PGBD2: variants seen among roughly 807,000 people sequenced by gnomAD.
The protein encoded by PGBD2 is piggyBac transposable element-derived protein 2.
In PGBD2, 6 loss-of-function variants were observed where a neutral mutation model predicts 8.1. The observed-to-expected ratio is 0.74, with a 90% CI of 0.40 to 1.46. PGBD2 has a LOEUF of 1.46. PGBD2 is among the 40% of genes most tolerant of loss of function. The probability of loss-of-function intolerance (pLI) is 0.02; values close to 1 mark genes in which losing one functional copy is unlikely to be tolerated. For missense variants in PGBD2, 802 were observed against 739.0 expected (o/e 1.09, Z -0.99); for synonymous variants, 318 against 272.2 (o/e 1.17, Z -1.66).
chr1:248,906,406 G>A (rs934483671), intron 1 of PGBD2, 64 bp downstream of exon 1: 3 of 152,136 alleles, frequency 2.0e-5, no homozygotes, highest in African/African-American at 7.3e-5. Flanking sequence ...GGTTGGCGTT[G>A]ATGTTGCGTT....
In PGBD2 at chr1:248,917,937, A is replaced by G. The variant is rs1418248170; in HGVS notation, c.1353A>G (p.Ser451=). 6.2e-7 allele frequency: 1 copy of G among 1,614,220 alleles called. No individual in the cohort carries two copies. The highest frequency in any genetic ancestry group is 8.5e-7 in the Non-Finnish European group (1 of 1,180,046). The change falls in exon 3 of 3, where the codon TCA becomes TCG. Residue 451 remains serine, a synonymous_variant. Coordinates refer to ENST00000329291, the MANE Select transcript of PGBD2 (RefSeq NM_170725.3). ...AKTRTQVHQP[S]LVKLYQEKVG... ...CGCGGACTCAGGTCCACCAGCCATC[A>G]CTGGTGAAGCTGTATCAGGAGAAGG... is the stretch of plus-strand genomic sequence containing the variant.
At chr1:248,925,712 G>A in the PGBD2 span, among the ~76,000 whole-genome samples, 1 of 151,906 alleles carries the variant, frequency 6.6e-6, no homozygotes, top group East Asian at 1.9e-4. Context: ...AGGATAATAA[G>A]GGAAAGAGAG....
the PGBD2 span, among the ~76,000 whole-genome samples, chr1:248,925,784 C>T: frequency 1.3e-5 from 2 of 152,126 alleles, no homozygotes; most frequent in Non-Finnish European, 2.9e-5. Flanking sequence ...GATTTTGCCC[C>T]CCAAAATTCC....
intron 1 of PGBD2, among the ~76,000 whole-genome samples, chr1:248,907,851 T>G (rs945250163): frequency 6.6e-5 from 10 of 152,232 alleles, no homozygotes; most frequent in African/African-American, 2.4e-4. Flanking sequence ...GAATTTCTTA[T>G]GTCTTCCCTT....
At chr1:248,916,349 G>C (rs1299574833) in intron 2 of PGBD2, among the ~76,000 whole-genome samples, 5 of 152,122 alleles carry the variant, frequency 3.3e-5, no homozygotes, top group Non-Finnish European at 5.9e-5. Flanking sequence ...AGGAGGCGGA[G>C]GTTGCAATGC....
chr1:248,892,194 A>T, the PGBD2 span, among the ~76,000 whole-genome samples: 1 of 152,140 alleles, frequency 6.6e-6, no homozygotes. Flanking sequence ...ATAAGGGTTA[A>T]TGCATAGTTA....
chr1:248,888,462 C>T, the PGBD2 span, among the ~76,000 whole-genome samples: 1 of 152,146 alleles, frequency 6.6e-6, no homozygotes, highest in East Asian at 1.9e-4. Context: ...GATGATATCT[C>T]ATTGTGGTTT....
chr1:248,884,723 A>G, the PGBD2 span, among the ~76,000 whole-genome samples: 2 of 152,236 alleles, frequency 1.3e-5, no homozygotes, highest in East Asian at 1.9e-4. Flanking sequence ...CTTATAGGTT[A>G]TAGATAGATT....
At chr1:248,901,449 T>A (rs1436784859), upstream of PGBD2, among the ~76,000 whole-genome samples, 6 of 152,114 alleles carry the variant, frequency 3.9e-5, no homozygotes. Flanking sequence ...CACCTACAAC[T>A]ATCTGATCTT....
intron 1 of PGBD2, among the ~76,000 whole-genome samples, chr1:248,908,633 C>G (rs1403794244): frequency 6.6e-6 from 1 of 152,010 alleles, no homozygotes; most frequent in Non-Finnish European, 1.5e-5. Flanking sequence ...CATACTGCAC[C>G]CAGAATAAGC....
downstream of PGBD2, among the ~76,000 whole-genome samples, chr1:248,924,489 G>T (rs979366679): frequency 6.6e-6 from 1 of 152,084 alleles, no homozygotes; most frequent in Admixed American, 6.5e-5. Context: ...TAGAGGCACA[G>T]ACTTCTCAAT....
the PGBD2 span, among the ~76,000 whole-genome samples, chr1:248,896,243 A>T: frequency 6.6e-6 from 1 of 151,954 alleles, no homozygotes; most frequent in Non-Finnish European, 1.5e-5. Context: ...CAGGCCGTTG[A>T]CTCAAATTGG....
the PGBD2 span, among the ~76,000 whole-genome samples, chr1:248,893,394 C>T: frequency 6.6e-6 from 1 of 152,180 alleles, no homozygotes; most frequent in Non-Finnish European, 1.5e-5. Flanking sequence ...CCCCCATCTC[C>T]TGGTAACCAG....
rs148046930 is a variant in PGBD2, at chr1:248,918,021, C to T, written c.1437C>T (p.Gly479=). The change falls in exon 3 of 3, where the codon GGC becomes GGT. Residue 479 remains glycine, a synonymous_variant. Coordinates refer to ENST00000329291, the MANE Select transcript of PGBD2 (RefSeq NM_170725.3). ...CCAAGTACAAGGTGAAGATCCGAGGCATGAAGTGGTACTCAAGCTTTATTG... is the reference window on the plus strand; with the variant it reads ...CCAAGTACAAGGTGAAGATCCGAGGTATGAAGTGGTACTCAAGCTTTATTG... ...NIAKYKVKIR[G]MKWYSSFIGY... 64 of 1,614,154 alleles carry T rather than the reference C, an allele frequency of 4.0e-5. No individual in the cohort carries two copies. Among genetic ancestry groups the T allele is most frequent in the Middle Eastern group, 3.3e-4 (2 of 6,062 alleles).
At chr1:248,910,365 A>C (rs1003987398) in intron 1 of PGBD2, among the ~76,000 whole-genome samples, 49 of 152,224 alleles carry the variant, frequency 3.2e-4, no homozygotes, top group Non-Finnish European at 5.6e-4. Context: ...TGAACCTGAA[A>C]TTATAGTTAA....
At chr1:248,905,455 G>A (rs1303634888), upstream of PGBD2, among the ~76,000 whole-genome samples, 1 of 152,166 alleles carries the variant, frequency 6.6e-6, no homozygotes, top group East Asian at 1.9e-4. Context: ...CAAGAAGTAG[G>A]GGGAGATACT....
the PGBD2 span, among the ~76,000 whole-genome samples, chr1:248,873,516 A>G: frequency 1.3e-5 from 2 of 152,262 alleles, no homozygotes; most frequent in Admixed American, 1.3e-4. Flanking sequence ...CCGAGTAGTA[A>G]CTGCTTGCCA....
chr1:248,925,652 A>G, the PGBD2 span, among the ~76,000 whole-genome samples: 1 of 150,360 alleles, frequency 6.7e-6, no homozygotes, highest in African/African-American at 2.5e-5. Flanking sequence ...GAAGTCATCC[A>G]GGAAGAGGCA....
chr1:248,908,462 C>G (rs146785020), intron 1 of PGBD2, among the ~76,000 whole-genome samples: 94 of 151,964 alleles, frequency 6.2e-4, no homozygotes, highest in African/African-American at 2.1e-3. Flanking sequence ...GATCAGCTTT[C>G]TCCCCTGCCC....
Sources: gnomAD v4.1 joint callset for allele counts (sites outside exome capture counted in the v4.1 genomes callset) on GRCh38, gnomAD v4.1.1 for gene constraint, MANE v1.5 for transcripts, NCBI Gene and HGNC (gene_info 2026-07-23, HGNC 2026-07-21) for gene names.